The following CCDC7 variants were observed in gnomAD, a reference collection of about 807,000 sequenced individuals.
CCDC7 encodes the protein coiled-coil domain containing 7.
A neutral mutation model predicts 196.9 loss-of-function variants in CCDC7; 183 were observed. The ratio of observed to expected loss-of-function variants is 0.93; its 90% confidence interval spans 0.82 to 1.05. The LOEUF (loss-of-function observed/expected upper bound fraction) is 1.05, where lower values mean the gene tolerates loss of function less well. Among genes scored for constraint, CCDC7 ranks in the 50% least tolerant of loss-of-function variants. The probability of loss-of-function intolerance (pLI) is 0.00; values close to 1 mark genes in which losing one functional copy is unlikely to be tolerated. For missense variants in CCDC7, 1,540 were observed against 1,482.2 expected (o/e 1.04, Z -0.64); for synonymous variants, 525 against 484.6 (o/e 1.08, Z -1.10).
intron 8 of CCDC7, among the ~76,000 whole-genome samples, chr10:32,490,476 T>C (rs1310224285): frequency 1.3e-5 from 2 of 152,246 alleles, no homozygotes; most frequent in Non-Finnish European, 2.9e-5. Flanking sequence ...TCGTCTCATA[T>C]GCTATGATCA....
At chr10:32,479,108 A>G (rs1031175953) in intron 8 of CCDC7, among the ~76,000 whole-genome samples, 4 of 152,060 alleles carry the variant, frequency 2.6e-5, no homozygotes, top group Admixed American at 6.5e-5. Flanking sequence ...GTATTTGTTT[A>G]TTGTCCCTTT....
At chr10:32,606,636 AT>A (rs1396113785) in intron 18 of CCDC7, among the ~76,000 whole-genome samples, 2 of 152,310 alleles carry the variant, frequency 1.3e-5, no homozygotes, top group East Asian at 1.9e-4. Context: ...GAGCTTTAAG[AT>A]TTAATAACTG....
intron 28 of CCDC7, among the ~76,000 whole-genome samples, chr10:32,756,621 AC>A (rs2076499322): frequency 6.6e-6 from 1 of 152,230 alleles, no homozygotes; most frequent in Admixed American, 6.5e-5. Flanking sequence ...ATGGAAAGGA[AC>A]AACTGGTACC....
At chr10:32,584,989 G>A (rs1038035842) in intron 18 of CCDC7, among the ~76,000 whole-genome samples, 2 of 151,974 alleles carry the variant, frequency 1.3e-5, no homozygotes, top group African/African-American at 4.8e-5. Flanking sequence ...TTGATATACG[G>A]TTAAAAGCAA....
intron 33 of CCDC7, among the ~76,000 whole-genome samples, chr10:32,837,518 G>C (rs1353653084): frequency 1.3e-5 from 2 of 152,158 alleles, no homozygotes; most frequent in Non-Finnish European, 2.9e-5. Context: ...ACAGTGTGGT[G>C]ATTCCTCAGG....
chr10:32,476,024 C>A (rs2038906092), intron 8 of CCDC7, among the ~76,000 whole-genome samples: 1 of 152,184 alleles, frequency 6.6e-6, no homozygotes, highest in African/African-American at 2.4e-5. Context: ...TAATGTGATA[C>A]ATTTGTTATG....
At chr10:32,500,273 G>A (rs1188057316) in intron 9 of CCDC7, among the ~76,000 whole-genome samples, 1 of 151,014 alleles carries the variant, frequency 6.6e-6, no homozygotes, top group African/African-American at 2.4e-5. Context: ...CGGTGGAGAC[G>A]CTCCTCACCT....
chr10:32,574,549 T>C, intron 16 of CCDC7: 1 of 1,328,624 alleles, frequency 7.5e-7, no homozygotes, highest in Non-Finnish European at 9.8e-7. Context: ...ATAAAGTACA[T>C]TTTTGCTCTT....
At chr10:32,874,381 C>T (rs893039991) in intron 41 of CCDC7, among the ~76,000 whole-genome samples, 2 of 151,464 alleles carry the variant, frequency 1.3e-5, no homozygotes, top group Non-Finnish European at 2.9e-5. Context: ...GCACCCATCA[C>T]CTGAGTTGTG....
intron 10 of CCDC7, 54 bp from the exon 12 acceptor site, chr10:32,518,362 C>G (rs550917587): frequency 6.7e-7 from 1 of 1,495,468 alleles, no homozygotes; most frequent in African/African-American, 1.4e-5. Flanking sequence ...TCTGAATAAC[C>G]TTTCTACATT....
chr10:32,776,101 A>G (rs2079991894), intron 28 of CCDC7, among the ~76,000 whole-genome samples: 1 of 148,256 alleles, frequency 6.7e-6, no homozygotes, highest in African/African-American at 2.5e-5. Context: ...TGGACACAGG[A>G]AGGGGAATAT....
intron 16 of CCDC7, among the ~76,000 whole-genome samples, chr10:32,575,806 CATTATT>C (rs371274208): frequency 4.1e-4 from 62 of 152,256 alleles, no homozygotes; most frequent in African/African-American, 1.4e-3. Flanking sequence ...CTTAGAGACT[CATTATT>C]ATAGATCTCT....
chr10:32,643,038 G>C (rs1243867648), intron 20 of CCDC7, among the ~76,000 whole-genome samples: 1 of 152,092 alleles, frequency 6.6e-6, no homozygotes, highest in Admixed American at 6.6e-5. Context: ...ATTAAATTGT[G>C]CTATTTAAAG....
chr10:32,651,037 T>C (rs1480425928), intron 20 of CCDC7, among the ~76,000 whole-genome samples: 1 of 152,068 alleles, frequency 6.6e-6, no homozygotes, highest in Non-Finnish European at 1.5e-5. Flanking sequence ...CAGGTAGCCC[T>C]GGGAGTGGAT....
intron 24 of CCDC7, among the ~76,000 whole-genome samples, chr10:32,703,109 T>C (rs2079046044): frequency 6.6e-6 from 1 of 152,218 alleles, no homozygotes; most frequent in Admixed American, 6.5e-5. Context: ...CTTCCTAGCA[T>C]TGATGGTCTT....
At chr10:32,458,389 CTG>C (rs1358085172) in intron 3 of CCDC7, among the ~76,000 whole-genome samples, 2 of 150,850 alleles carry the variant, frequency 1.3e-5, no homozygotes, top group African/African-American at 4.9e-5. Context: ...GTCTGTGTGT[CTG>C]TTTTTGTGCC....
chr10:32,621,925 A>G (rs1419634372), intron 18 of CCDC7, among the ~76,000 whole-genome samples: 1 of 152,176 alleles, frequency 6.6e-6, no homozygotes, highest in South Asian at 2.1e-4. Flanking sequence ...CTGAGAAATA[A>G]TGTTTTACTA....
In CCDC7 at chr10:32,870,065, C is replaced by G. The variant is rs1382254740; in HGVS notation, c.4112-6282C>G. The stretch of plus-strand genomic sequence containing the variant: ...CTTTGTTCTTTTGGCTTAGGATTGA[C>G]TTGGCAATGCGGGCTCTTTTTTGGT... On this transcript the variant is annotated intron_variant, in intron 41 of 41. Coordinates refer to ENST00000639629, the Ensembl canonical transcript of CCDC7. Among the ~76,000 whole-genome samples, 8 of 152,138 alleles carry G rather than the reference C, an allele frequency of 5.3e-5. No homozygotes were observed. The East Asian group carries it at 1.5e-3, about 29-fold the overall frequency.
intron 9 of CCDC7, among the ~76,000 whole-genome samples, chr10:32,509,510 T>TAA: frequency 1.1e-5 from 1 of 87,460 alleles, no homozygotes; most frequent in Non-Finnish European, 2.3e-5. Flanking sequence ...TTTTTGGACA[T>TAA]TACACCAAAA....
Sources: gnomAD v4.1 joint callset for allele counts (sites outside exome capture counted in the v4.1 genomes callset) on GRCh38, gnomAD v4.1.1 for gene constraint, MANE v1.5 for transcripts, NCBI Gene and HGNC (gene_info 2026-07-23, HGNC 2026-07-21) for gene names.